The following MYT1 variants were observed in gnomAD, a reference collection of about 807,000 sequenced individuals.
The protein encoded by MYT1 is myelin transcription factor 1.
MYT1 carries 23 observed loss-of-function variants against 123.0 expected under a neutral mutation model. The ratio of observed to expected loss-of-function variants is 0.19; its 90% CI spans 0.13 to 0.26. The LOEUF (loss-of-function observed/expected upper bound fraction) is 0.26, where lower values mean the gene tolerates loss of function less well. Among genes scored for constraint, MYT1 ranks in the 10% least tolerant of loss-of-function variants. The probability of loss-of-function intolerance (pLI) is 1.00; values close to 1 mark genes in which losing one functional copy is unlikely to be tolerated. For synonymous variants in MYT1, 518 were observed against 575.3 expected (o/e 0.90, Z 1.43); for missense variants, 1,125 against 1,472.5 (o/e 0.76, Z 3.86).
At chr20:64,236,073 C>T (rs368997636) in intron 19 of MYT1, among the ~76,000 whole-genome samples, 2 of 63,256 alleles carry the variant, frequency 3.2e-5, no homozygotes, top group Non-Finnish European at 2.8e-5. Context: ...CTGGGCTGGC[C>T]GTGGTGGGTG....
chr20:64,178,981 A>G (rs75578854), intron 1 of MYT1, among the ~76,000 whole-genome samples: 322 of 75,420 alleles, frequency 4.3e-3, no homozygotes, highest in Middle Eastern at 0.012. Flanking sequence ...TTATTCGGTG[A>G]GATACCCTTC....
Position 64,164,590 on chromosome 20 carries a change from G to C in MYT1, c.-248G>C, listed in dbSNP as rs890384960. 3 of 152,092 alleles carry C rather than the reference G, an allele frequency of 2.0e-5. No homozygotes were observed. Among genetic ancestry groups the C allele is most frequent in the Admixed American group, 2.0e-4 (3 of 15,262 alleles). 9.4% of individuals were successfully genotyped at this position (152,092 alleles called of 1,614,324 possible). On this transcript the variant is annotated 5_prime_UTR_variant, in exon 1 of 23. Transcript: ENST00000328439. ...GGGAGAAGATATTTAATTGAAACCC[G>C]CACGCAGGCTTCCCCACATGTGACC...
At position 64,186,647 on chromosome 20, in the gene MYT1, C is replaced by G. The variant is rs983385772; in HGVS notation, c.-98-3416C>G. 2.8e-4 allele frequency among the ~76,000 whole-genome samples: 42 copies of G among 152,288 alleles called. No individual in the cohort carries two copies. The highest frequency in any genetic ancestry group is 7.3e-5 in the Non-Finnish European group (5 of 68,044). On this transcript the variant is annotated intron_variant, in intron 1 of 22. Transcript: ENST00000328439. The surrounding 1 kb of genome is among the most constrained non-coding windows in gnomAD (Gnocchi z 4.3). ...CTCAGGTCTGAGTTGGTGGCAGTGCCCTGTGTGAGCTTTGGGGACCCTTGT... is the reference window on the plus strand; with the variant it reads ...CTCAGGTCTGAGTTGGTGGCAGTGCGCTGTGTGAGCTTTGGGGACCCTTGT...
rs887522589 is a variant in MYT1, at chr20:64,166,809, C to A, written c.-99+2070C>A. Reference sequence around the variant, plus strand: ...TCTGGTCTGGGGGTTGCAGCAGCCTCTACTTGGAAGCTCTGTTAGTGCCGG... The same window carrying A: ...TCTGGTCTGGGGGTTGCAGCAGCCTATACTTGGAAGCTCTGTTAGTGCCGG... On this transcript the variant is annotated intron_variant, in intron 1 of 22. Coordinates refer to ENST00000328439, the MANE Select transcript of MYT1 (RefSeq NM_004535.3). This position sits in a 1 kb window ranked among gnomAD's most constrained non-coding sequence, Gnocchi z 4.9. Among the ~76,000 whole-genome samples the A allele has an allele frequency of 6.6e-6, 1 of 152,162 alleles. No homozygotes were observed. Among genetic ancestry groups the A allele is most frequent in the Admixed American group, 6.5e-5 (1 of 15,280 alleles).
At chr20:64,176,704 G>C (rs975138134) in intron 1 of MYT1, among the ~76,000 whole-genome samples, 1 of 152,224 alleles carries the variant, frequency 6.6e-6, no homozygotes, top group Non-Finnish European at 1.5e-5. Flanking sequence ...GGTGCCGCCT[G>C]GGTTCCGGGC....
In MYT1 at chr20:64,190,318, G is replaced by A. The variant is rs952113071; in HGVS notation, c.-1+158G>A. Among the ~76,000 whole-genome samples, 1 of 152,228 alleles carries A rather than the reference G, an allele frequency of 6.6e-6. No homozygotes were observed. The highest frequency in any genetic ancestry group is 1.5e-5 in the Non-Finnish European group (1 of 68,044). ...GAAGGGTAAATGGGGACTAGGATCA[G>A]CAATGATCCGGTCACTTTAAAATTA... On this transcript the variant is annotated intron_variant, in intron 2 of 22. Transcript: ENST00000328439. This position sits in a 1 kb window ranked among gnomAD's most constrained non-coding sequence, Gnocchi z 4.1.
In MYT1 at chr20:64,199,910, C is replaced by A. The variant is rs1333299528; in HGVS notation, c.74C>A (p.Ala25Asp). ...TTCCCAGGACCCCCAGAGACCACAG[C>A]TGCAGACCTCAGGTAAGGAAGTCTT... ...KALRGPPETT[A>D]ADLSCPTPGC... is the part of the protein sequence containing the mutation. Residue 25 changes from alanine to aspartate, a missense_variant, in exon 4 of 23, where the codon GCT becomes GAT. This residue lies in a region of MYT1 where 406 missense variants were observed against 432.2 expected (regional missense o/e 0.94). Transcript: ENST00000328439. 2.8e-5 allele frequency: 46 copies of A among 1,614,198 alleles called. No homozygotes were observed. The highest frequency in any genetic ancestry group is 3.9e-5 in the Non-Finnish European group (46 of 1,179,992).
chr20:64,180,063 C>G (rs1364810328), intron 1 of MYT1, among the ~76,000 whole-genome samples: 1 of 150,060 alleles, frequency 6.7e-6, no homozygotes, highest in Non-Finnish European at 1.5e-5. Context: ...CAGTTACACA[C>G]CACACGCAGT....
intron 1 of MYT1, among the ~76,000 whole-genome samples, chr20:64,180,584 C>A (rs910470863): frequency 1.3e-5 from 2 of 152,232 alleles, no homozygotes; most frequent in African/African-American, 4.8e-5. Flanking sequence ...TTCTCCCCTG[C>A]AAGGGCTCTG....
chr20:64,227,815 A>G, intron 17 of MYT1, 73 bp from the exon 18 acceptor site: 2 of 918,932 alleles, frequency 2.2e-6, no homozygotes, highest in Non-Finnish European at 1.6e-6. Context: ...TTGAGGGGAG[A>G]GGGTGAGATG....
At chr20:64,209,068 G>A (rs560292854) in intron 7 of MYT1, among the ~76,000 whole-genome samples, 4 of 152,320 alleles carry the variant, frequency 2.6e-5, no homozygotes, top group East Asian at 1.9e-4. Flanking sequence ...TTGAGGTGAG[G>A]ATAGACAAGG....
chr20:64,213,646 A>G lies in MYT1; in HGVS notation c.1630A>G (p.Arg544Gly), dbSNP rs1983750236. ...TAGCTCCAATTCCGATCGGATCCTC[A>G]GGTGAGTGAGATGAGCCACAGAACT... is the stretch of plus-strand genomic sequence containing the variant. ...KSSSNSDRIL[R>G]PMCFVKQLEV... Residue 544 changes from arginine (R) to glycine (G), a missense_variant and splice_region_variant, in exon 10 of 23, where the codon AGG (arginine) becomes GGG (glycine). This residue lies in a region of MYT1 where 429 missense variants were observed against 604.1 expected (regional missense o/e 0.71). Coordinates refer to ENST00000328439, the MANE Select transcript of MYT1 (RefSeq NM_004535.3). The surrounding 1 kb of genome is among the most constrained non-coding windows in gnomAD (Gnocchi z 5.6). The G allele has an allele frequency of 1.9e-6, 3 of 1,613,090 alleles. No individual in the cohort carries two copies. Among genetic ancestry groups the G allele is most frequent in the East Asian group, 2.2e-5 (1 of 44,880 alleles).
intron 1 of MYT1, among the ~76,000 whole-genome samples, chr20:64,176,330 TCTCCTC>T (rs61721922): frequency 9.1e-5 from 4 of 43,854 alleles, no homozygotes; most frequent in African/African-American, 2.4e-4. Context: ...CTCCCTGGCT[TCTCCTC>T]CTGCAGCATC....
intron 10 of MYT1, among the ~76,000 whole-genome samples, chr20:64,215,854 A>G (rs1983824309): frequency 6.6e-6 from 1 of 151,126 alleles, no homozygotes; most frequent in African/African-American, 2.4e-5. Flanking sequence ...CTTGGCCTCC[A>G]AAAGTGCTTG....
At chr20:64,201,948 C>CCG in intron 4 of MYT1, among the ~76,000 whole-genome samples, 1 of 137,848 alleles carries the variant, frequency 7.3e-6, no homozygotes, top group African/African-American at 2.6e-5. Context: ...TCGGGAACCT[C>CCG]TGCGTGTCGG....
At chr20:64,170,607 T>A (rs1308394086) in intron 1 of MYT1, among the ~76,000 whole-genome samples, 1 of 151,998 alleles carries the variant, frequency 6.6e-6, no homozygotes, top group Admixed American at 6.6e-5. Flanking sequence ...TCCGCCTAGA[T>A]AAAATGTTAG....
chr20:64,205,653 G>T lies in MYT1; in HGVS notation c.250G>T (p.Asp84Tyr). 6.2e-7 allele frequency: 1 copy of T among 1,614,230 alleles called. No homozygotes were observed. Among genetic ancestry groups the T allele is most frequent in the Non-Finnish European group, 8.5e-7 (1 of 1,180,046 alleles). Residue 84 changes from aspartate (D) to tyrosine (Y), a missense_variant, in exon 6 of 23, where the codon GAC becomes TAC. By Grantham distance (160) the Asp-to-Tyr change is radical. Around this residue, in one of 4 missense-constraint regions of MYT1, gnomAD observed 406 missense variants for 432.2 expected, o/e 0.94. Coordinates refer to ENST00000328439, the MANE Select transcript of MYT1 (RefSeq NM_004535.3). ...GTCACACCCCCTGAAGCTGGCTCTG[G>T]ACGAGGGCTATGGTGTGGACAGCGA... Reference protein sequence around the residue: ...RKSHPLKLALDEGYGVDSDGS... With the variant: ...RKSHPLKLALYEGYGVDSDGS...
At chr20:64,170,848 C>T (rs1381046543) in intron 1 of MYT1, among the ~76,000 whole-genome samples, 3 of 16,024 alleles carry the variant, frequency 1.9e-4, no homozygotes, top group African/African-American at 2.5e-4. Flanking sequence ...ACAAATTGGT[C>T]ATATATATAT....
Position 64,203,531 on chromosome 20 carries a change from C to T in MYT1, c.87-1504C>T, listed in dbSNP as rs1983386161. Among the ~76,000 whole-genome samples, 1 of 152,090 alleles carries T rather than the reference C, an allele frequency of 6.6e-6. No homozygotes were observed. Among genetic ancestry groups the T allele is most frequent in the South Asian group, 2.1e-4 (1 of 4,818 alleles). On this transcript the variant is annotated intron_variant, in intron 4 of 22. Transcript: ENST00000328439. The surrounding 1 kb of genome is among the most constrained non-coding windows in gnomAD (Gnocchi z 5.1). ...CTCCCTCTTCCTCCCTCTTCCCCTC[C>T]CTTCCCGTCTGGGTTCCCTCTTCCC...
Sources: gnomAD v4.1 joint callset for allele counts (sites outside exome capture counted in the v4.1 genomes callset) on GRCh38, gnomAD v4.1.1 for gene constraint, gnomAD v4.1.1 regional missense constraint, Gnocchi (gnomAD v3.1) non-coding constraint, MANE v1.5 for transcripts, NCBI Gene and HGNC (gene_info 2026-07-23, HGNC 2026-07-21) for gene names.